Variants in GTF3C2 observed in about 807,000 individuals in gnomAD.
GTF3C2 encodes general transcription factor 3C polypeptide 2.
GTF3C2 carries 17 observed loss-of-function variants against 117.4 expected under a neutral mutation model. The ratio of observed to expected loss-of-function variants is 0.14; its 90% CI spans 0.10 to 0.22. GTF3C2 has a LOEUF of 0.22. GTF3C2 is among the 10% of genes least tolerant of loss of function. The probability of loss-of-function intolerance (pLI) is 1.00; values close to 1 mark genes in which losing one functional copy is unlikely to be tolerated. For missense variants in GTF3C2, 888 were observed against 1,143.6 expected (o/e 0.78, Z 3.22); for synonymous variants, 437 against 427.0 (o/e 1.02, Z -0.29).
rs544220164 is a variant in GTF3C2, at chr2:27,329,473, G to A, written c.1783C>T (p.Arg595Trp). Reference sequence around the variant, plus strand: ...AGCTTTAAGGAGCCATCAGAGAGCCGTATCCGCTGCAGGGGTGAGTTAGTG... The same window carrying A: ...AGCTTTAAGGAGCCATCAGAGAGCCATATCCGCTGCAGGGGTGAGTTAGTG... The change falls in exon 13 of 19, where the codon CGG becomes TGG. Residue 595 changes from arginine to tryptophan, a missense_variant. Coordinates refer to ENST00000264720, the Ensembl canonical transcript of GTF3C2. This position sits in a 1 kb window ranked among gnomAD's most constrained non-coding sequence, Gnocchi z 4.5. 55 of 1,613,842 alleles carry A rather than the reference G, an allele frequency of 3.4e-5. No homozygotes were observed. Among genetic ancestry groups the A allele is most frequent in the Admixed American group, 6.7e-5 (4 of 60,010 alleles).
At chr2:27,328,382 C>T (rs767084885) in intron 16 of GTF3C2, 86 bp downstream of exon 16, 118 of 1,407,768 alleles carry the variant, frequency 8.4e-5, no homozygotes, top group Non-Finnish European at 1.1e-4. Context: ...GGCCGGGAGA[C>T]CTGACACTAG....
intron 12 of GTF3C2, among the ~76,000 whole-genome samples, chr2:27,331,331 T>C (rs561549074): frequency 6.6e-6 from 1 of 152,262 alleles, no homozygotes; most frequent in South Asian, 2.1e-4. Context: ...AAAACAACAC[T>C]GTCATTTTGT....
intron 9 of GTF3C2, 83 bp from the exon 10 acceptor site, chr2:27,335,789 G>T: frequency 9.1e-7 from 1 of 1,100,184 alleles, no homozygotes; most frequent in Non-Finnish European, 1.4e-6. Flanking sequence ...CTGAAATACT[G>T]TATGAAGTTG....
intron 6 of GTF3C2, 42 bp downstream of exon 6, chr2:27,337,439 G>C: frequency 6.7e-7 from 1 of 1,487,776 alleles, no homozygotes; most frequent in South Asian, 1.1e-5. Context: ...GTCTCCAGTG[G>C]TGTCACCCTT....
chr2:27,333,264 G>C (rs1680343201), intron 12 of GTF3C2, among the ~76,000 whole-genome samples: 1 of 151,116 alleles, frequency 6.6e-6, no homozygotes, highest in African/African-American at 2.4e-5. Context: ...GGGTTCTCAG[G>C]CCTCAGCCTC....
In GTF3C2 at chr2:27,336,562, C is replaced by A. The variant is rs552050144; in HGVS notation, c.1128-137G>T. The A allele has an allele frequency of 4.3e-5, 26 of 610,364 alleles. No homozygotes were observed. The Admixed American group carries it at 6.5e-4, about 15-fold the overall frequency. The allele number at this position is 610,364 out of a possible 1,614,324, so 37.8% of individuals were successfully genotyped here. ...ATCAAAAACAGTTTACAAGTGAGAA[C>A]AGAGTCCTTGGCTTCCACTTGTATC... On this transcript the variant is annotated intron_variant, in intron 7 of 18. Coordinates refer to ENST00000264720, the Ensembl canonical transcript of GTF3C2.
intron 8 of GTF3C2, 54 bp downstream of exon 8, chr2:27,336,144 C>T: frequency 6.8e-7 from 1 of 1,460,044 alleles, no homozygotes; most frequent in East Asian, 2.3e-5. Flanking sequence ...CTGTCCAGAC[C>T]CCATCCTGCT....
At chr2:27,337,114 C>T in intron 7 of GTF3C2, 130 bp downstream of exon 7, 3 of 642,824 alleles carry the variant, frequency 4.7e-6, no homozygotes, top group Non-Finnish European at 8.4e-6. Context: ...CTAGTCAGCA[C>T]TCTTATTCTT....
chr2:27,336,273 T>C lies in GTF3C2; in HGVS notation c.1280A>G (p.His427Arg). ...ACCCGAATGAAGCTGGCTCAGTGGG[T>C]GTGTCTCATTCATGTCAGGGCTGGA... is the stretch of plus-strand genomic sequence containing the variant. Residue 427 changes from histidine to arginine, a missense_variant, in exon 8 of 19, where the codon CAC becomes CGC. By Grantham distance (29) the His-to-Arg change is conservative. This residue lies in a region of GTF3C2 where 277 missense variants were observed against 445.4 expected (regional missense o/e 0.62). Coordinates refer to ENST00000264720, the Ensembl canonical transcript of GTF3C2. The C allele has an allele frequency of 6.2e-7, 1 of 1,614,070 alleles. No homozygotes were observed. The highest frequency in any genetic ancestry group is 8.5e-7 in the Non-Finnish European group (1 of 1,180,012).
At chr2:27,328,376 G>A (rs111648844) in intron 16 of GTF3C2, 92 bp downstream of exon 16, 29 of 1,342,028 alleles carry the variant, frequency 2.2e-5, no homozygotes, top group Admixed American at 8.5e-5. Context: ...TATCAGGGCC[G>A]GGAGACCTGA....
exon 8 of GTF3C2, chr2:27,336,258 A>T: frequency 6.2e-7 from 1 of 1,614,146 alleles, no homozygotes; most frequent in Admixed American, 1.7e-5. Flanking sequence ...ACCCGAATGA[A>T]GCTGGCTCAG....
rs1041413538 is a variant in GTF3C2, at chr2:27,327,010, G to A, written c.2518-117C>T. 24 of 720,024 alleles carry A rather than the reference G, an allele frequency of 3.3e-5. No homozygotes were observed. In the African/African-American group the frequency reaches 3.7e-4, roughly 11 times the overall value. 44.6% of individuals were successfully genotyped at this position (720,024 alleles called of 1,614,324 possible). A position where few individuals can be genotyped will look rare whatever the true frequency, so the allele number is the denominator to read the frequency against. ...ACAATCTGAAAGGACAGGACCATGA[G>A]GGGTGACAGAGGTAAGAATGAAAAG... On this transcript the variant is annotated intron_variant, in intron 18 of 18. Transcript: ENST00000264720.
At chr2:27,350,516 T>C (rs1681092370) in intron 1 of GTF3C2, 1 of 985,564 alleles carries the variant, frequency 1.0e-6, no homozygotes, top group Non-Finnish European at 1.2e-6. Flanking sequence ...AATCATGTGC[T>C]GGGCTGGGCG....
chr2:27,351,433 A>G (rs1681134502), intron 1 of GTF3C2, among the ~76,000 whole-genome samples: 1 of 152,106 alleles, frequency 6.6e-6, no homozygotes, highest in Non-Finnish European at 1.5e-5. Context: ...AAATAAAATA[A>G]TAACAAAACA....
chr2:27,329,297 G>C lies in GTF3C2; in HGVS notation c.1878-15C>G, dbSNP rs1326090356. ...CAAGGAAATGGCTGTAAAAAGACGGGAGAAGGTCAAATCCAAACAAATCCG... is the reference window on the plus strand; with the variant it reads ...CAAGGAAATGGCTGTAAAAAGACGGCAGAAGGTCAAATCCAAACAAATCCG... On this transcript the variant is annotated splice_polypyrimidine_tract_variant and intron_variant, in intron 13 of 18. Transcript: ENST00000264720. This position sits in a 1 kb window ranked among gnomAD's most constrained non-coding sequence, Gnocchi z 4.5. The C allele has an allele frequency of 2.2e-5, 36 of 1,614,034 alleles. No individual in the cohort carries two copies. Among genetic ancestry groups the C allele is most frequent in the Non-Finnish European group, 3.1e-5 (36 of 1,180,026 alleles).
At chr2:27,350,600 G>C (rs1681096396) in intron 1 of GTF3C2, 7 of 653,188 alleles carry the variant, frequency 1.1e-5, no homozygotes, top group Non-Finnish European at 1.3e-5. Context: ...AGGAGTTCAA[G>C]ATCAGCCTGG....
chr2:27,340,229 TA>T (rs1450392852), intron 4 of GTF3C2: 1 of 151,854 alleles, frequency 6.6e-6, no homozygotes, highest in Non-Finnish European at 1.5e-5. Flanking sequence ...AAAATAAAAA[TA>T]AAAAATTACC....
intron 4 of GTF3C2, among the ~76,000 whole-genome samples, chr2:27,339,409 CAAAAA>C (rs761860478): frequency 2.1e-5 from 1 of 46,814 alleles, no homozygotes; most frequent in African/African-American, 6.7e-5. Flanking sequence ...AACTCCGTCT[CAAAAA>C]AAAAAAAAAA....
exon 5 of GTF3C2, chr2:27,337,954 A>C (rs1363209660): frequency 1.9e-6 from 3 of 1,611,108 alleles, no homozygotes; most frequent in South Asian, 1.1e-5. Context: ...AGGCACTTCC[A>C]AACAGGAGCC....
Sources: gnomAD v4.1 joint callset for allele counts (sites outside exome capture counted in the v4.1 genomes callset) on GRCh38, gnomAD v4.1.1 for gene constraint, gnomAD v4.1.1 regional missense constraint, Gnocchi (gnomAD v3.1) non-coding constraint, MANE v1.5 for transcripts, NCBI Gene and HGNC (gene_info 2026-07-23, HGNC 2026-07-21) for gene names.